LGALS9: variants seen among roughly 807,000 people sequenced by gnomAD.
LGALS9 encodes galectin 9.
A neutral mutation model predicts 35.9 loss-of-function variants in LGALS9; 26 were observed. The ratio of observed to expected loss-of-function variants is 0.72; its 90% CI spans 0.53 to 1.01. LGALS9 has a LOEUF of 1.01. Ranked by LOEUF, LGALS9 falls within the 50% of genes least tolerant of loss-of-function variation. The pLI, the probability that LGALS9 is intolerant of heterozygous loss-of-function variation, is 0.00. For missense variants in LGALS9, 347 were observed against 445.8 expected (o/e 0.78, Z 1.99); for synonymous variants, 149 against 172.2 (o/e 0.87, Z 1.06).
intron 1 of LGALS9, among the ~76,000 whole-genome samples, chr17:27,633,372 A>C (rs1237790963): frequency 1.3e-5 from 2 of 152,222 alleles, no homozygotes; most frequent in African/African-American, 4.8e-5. Flanking sequence ...ACAGTGTTGG[A>C]GGTCAGAAGT....
chr17:27,633,177 C>T (rs2151287948), intron 1 of LGALS9, among the ~76,000 whole-genome samples: 1 of 152,334 alleles, frequency 6.6e-6, no homozygotes, highest in Non-Finnish European at 1.5e-5. Flanking sequence ...TGTTGCTGAC[C>T]AGTTGTGTAA....
rs372305972 is a variant in LGALS9 at position 27,643,374 on chromosome 17, C to G, written c.445-151C>G. The stretch of plus-strand genomic sequence containing the variant: ...CTGCACTGCTCACCAGAGCCTGGCT[C>G]TTTCCCATCCCATCTTGGCAGGGCC... On this transcript the variant is annotated intron_variant, in intron 4 of 10. Coordinates refer to ENST00000395473, the MANE Select transcript of LGALS9 (RefSeq NM_009587.3). 25 of 1,253,318 alleles carry G rather than the reference C, an allele frequency of 2.0e-5. No homozygotes were observed. In the East Asian group the frequency reaches 4.1e-4, roughly 20 times the overall value. 77.6% of individuals were successfully genotyped at this position (1,253,318 alleles called of 1,614,324 possible).
At chr17:27,633,314 G>A (rs1422779578) in intron 1 of LGALS9, among the ~76,000 whole-genome samples, 1 of 152,232 alleles carries the variant, frequency 6.6e-6, no homozygotes, top group Non-Finnish European at 1.5e-5. Flanking sequence ...GGATCCAAAT[G>A]CCACAGCAGC....
intron 1 of LGALS9, among the ~76,000 whole-genome samples, chr17:27,635,322 C>G (rs2074436073): frequency 6.6e-6 from 1 of 152,020 alleles, no homozygotes; most frequent in African/African-American, 2.4e-5. Flanking sequence ...CCTATTTTGT[C>G]CCAGCTATTC....
chr17:27,647,807 CACAG>C (rs1351523601), intron 10 of LGALS9, among the ~76,000 whole-genome samples: 10 of 152,242 alleles, frequency 6.6e-5, no homozygotes, highest in African/African-American at 2.4e-4. Context: ...TCATGAAGCA[CACAG>C]ACAGGGTCCT....
chr17:27,637,250 G>C (rs1231204932), intron 1 of LGALS9, among the ~76,000 whole-genome samples: 1 of 152,162 alleles, frequency 6.6e-6, no homozygotes, highest in Non-Finnish European at 1.5e-5. Context: ...GGGTGACAGT[G>C]GTGAAGCATC....
chr17:27,633,169 T>G (rs1415181304), intron 1 of LGALS9, among the ~76,000 whole-genome samples: 1 of 152,234 alleles, frequency 6.6e-6, no homozygotes, highest in African/African-American at 2.4e-5. Flanking sequence ...CCCAGCTCTG[T>G]TGCTGACCAG....
chr17:27,647,089 G>C lies in LGALS9; in HGVS notation c.729G>C (p.Leu243=). 1 of 1,614,166 alleles carries C rather than the reference G, an allele frequency of 6.2e-7. No individual in the cohort carries two copies. The highest frequency in any genetic ancestry group is 8.5e-7 in the Non-Finnish European group (1 of 1,180,028). Residue 243 remains leucine (L), a synonymous_variant, in exon 9 of 11, where the codon CTG becomes CTC. Transcript: ENST00000395473. ...TGTACCCATCCAAGTCCATCCTCCT[G>C]TCAGGCACTGTCCTGCCCAGTGCTC... ...GGLYPSKSIL[L]SGTVLPSAQR...
At chr17:27,639,269 C>T (rs1479482271) in intron 2 of LGALS9, among the ~76,000 whole-genome samples, 6 of 152,142 alleles carry the variant, frequency 3.9e-5, no homozygotes, top group African/African-American at 7.2e-5. Flanking sequence ...AGGGAGGCCC[C>T]GATCTCCCTG....
At position 27,641,204 on chromosome 17, in the gene LGALS9, C is replaced by T. The variant is rs574018902; in HGVS notation, c.333+431C>T. Among the ~76,000 whole-genome samples, 194 of 152,070 alleles carry T rather than the reference C, an allele frequency of 1.3e-3. 1 individual carries two copies. Among genetic ancestry groups the T allele is most frequent in the Non-Finnish European group, 2.2e-3 (151 of 68,020 alleles). On this transcript the variant is annotated intron_variant, in intron 3 of 10. Coordinates refer to ENST00000395473, the MANE Select transcript of LGALS9 (RefSeq NM_009587.3). ...AATTACCCTTGCAAGCAGAGTAGGTCTCTGGGCTTGAGAAGCCTGTGGGTA... is the reference window on the plus strand; with the variant it reads ...AATTACCCTTGCAAGCAGAGTAGGTTTCTGGGCTTGAGAAGCCTGTGGGTA...
chr17:27,640,811 AC>A, intron 3 of LGALS9, 38 bp downstream of exon 3: 1 of 1,611,574 alleles, frequency 6.2e-7, no homozygotes, highest in Non-Finnish European at 8.5e-7. Context: ...CACCCCTGGG[AC>A]CCCCAGCCCT....
chr17:27,641,006 G>C, intron 3 of LGALS9: 1 of 748,218 alleles, frequency 1.3e-6, no homozygotes, highest in South Asian at 1.5e-5. Context: ...AAGAACTAGA[G>C]GAGTCATCAC....
chr17:27,643,504 C>T (rs368762110), intron 4 of LGALS9, 21 bp from the exon 5 acceptor site: 138 of 1,611,328 alleles, frequency 8.6e-5, no homozygotes, highest in South Asian at 3.1e-4. Flanking sequence ...CCTCACTGCC[C>T]GGTGCCTTTT....
At position 27,647,089 on chromosome 17, in the gene LGALS9, G is replaced by A; in HGVS notation, c.729G>A (p.Leu243=). The A allele has an allele frequency of 1.2e-6, 2 of 1,614,166 alleles. No individual in the cohort carries two copies. The highest frequency in any genetic ancestry group is 1.7e-6 in the Non-Finnish European group (2 of 1,180,028). Residue 243 remains leucine, a synonymous_variant, in exon 9 of 11, where the codon CTG becomes CTA. Coordinates refer to ENST00000395473, the MANE Select transcript of LGALS9 (RefSeq NM_009587.3). The stretch of plus-strand genomic sequence containing the variant: ...TGTACCCATCCAAGTCCATCCTCCT[G>A]TCAGGCACTGTCCTGCCCAGTGCTC... The part of the protein sequence containing the change: ...GGLYPSKSIL[L]SGTVLPSAQR...
intron 1 of LGALS9, among the ~76,000 whole-genome samples, chr17:27,634,311 A>T (rs1333700113): frequency 1.3e-5 from 2 of 152,144 alleles, no homozygotes; most frequent in Non-Finnish European, 2.9e-5. Context: ...CACTTTGAGA[A>T]GCCGAGGCAG....
chr17:27,648,162 G>A (rs1271920671), intron 10 of LGALS9, among the ~76,000 whole-genome samples: 1 of 152,266 alleles, frequency 6.6e-6, no homozygotes, highest in Non-Finnish European at 1.5e-5. Context: ...AGTCAGAGTT[G>A]AAAATGACTG....
Position 27,649,005 on chromosome 17 carries a change from G to C in LGALS9, c.*23G>C, listed in dbSNP as rs372947188. 14 of 1,613,646 alleles carry C rather than the reference G, an allele frequency of 8.7e-6. No homozygotes were observed. The East Asian group carries it at 3.1e-4, about 36-fold the overall frequency. ...TAGGCGGCTTCCTGGCCCTGGGGCC[G>C]GGGGCTGGGGTGTGGGGCAGTCTGG... On this transcript the variant is annotated 3_prime_UTR_variant, in exon 11 of 11. Transcript: ENST00000395473.
chr17:27,645,511 G>A, intron 6 of LGALS9, 162 bp downstream of exon 6: 1 of 1,180,164 alleles, frequency 8.5e-7, no homozygotes, highest in Non-Finnish European at 1.2e-6. Flanking sequence ...GTTGGATGTG[G>A]GGGTTGGATG....
At chr17:27,643,063 T>G (rs1396502520) in intron 4 of LGALS9, among the ~76,000 whole-genome samples, 1 of 152,064 alleles carries the variant, frequency 6.6e-6, no homozygotes, top group African/African-American at 2.4e-5. Context: ...AATAATAAAA[T>G]AAAATAAATA....
Sources: gnomAD v4.1 joint callset for allele counts (sites outside exome capture counted in the v4.1 genomes callset) on GRCh38, gnomAD v4.1.1 for gene constraint, MANE v1.5 for transcripts, NCBI Gene and HGNC (gene_info 2026-07-23, HGNC 2026-07-21) for gene names.